TMC8: variants seen among roughly 807,000 people sequenced by gnomAD.
TMC8 encodes the protein transmembrane channel-like protein 8.
Under a neutral mutation model 76.0 loss-of-function variants are expected in TMC8, and 71 were observed. The ratio of observed to expected loss-of-function variants is 0.93; its 90% confidence interval spans 0.77 to 1.14. The LOEUF is 1.14. TMC8 is among the 50% of genes most tolerant of loss of function. TMC8 has a pLI of 0.00. For synonymous variants in TMC8, 433 were observed against 433.8 expected, an observed-to-expected ratio of 1.00 and a Z score of 0.02; for missense variants, 924 against 947.9, an observed-to-expected ratio of 0.97 and a Z score of 0.33.
chr17:78,131,527 C>T lies in TMC8; in HGVS notation c.-62C>T. On this transcript the variant is annotated 5_prime_UTR_variant, in exon 2 of 16. Coordinates refer to ENST00000318430, the MANE Select transcript of TMC8 (RefSeq NM_152468.5). The stretch of plus-strand genomic sequence containing the variant: ...GCCAAGGCCTTAAGGCTCATCCAAC[C>T]GGGGACTCATATCCCCCCCACCGGC... 6.5e-7 allele frequency: 1 copy of T among 1,531,330 alleles called. No homozygotes were observed. The allele number at this position is 1,531,330 out of a possible 1,614,324, so 94.9% of individuals were successfully genotyped here. A position where few individuals can be genotyped will look rare whatever the true frequency, so the allele number is the denominator to read the frequency against.
At position 78,131,367 on chromosome 17, in the gene TMC8, C is replaced by T; in HGVS notation, c.-222C>T. 1 of 635,676 alleles carries T rather than the reference C, an allele frequency of 1.6e-6. No individual in the cohort carries two copies. The highest frequency in any genetic ancestry group is 2.7e-6 in the Non-Finnish European group (1 of 368,304). The allele number at this position is 635,676 out of a possible 1,614,324, so 39.4% of individuals were successfully genotyped here. The stretch of plus-strand genomic sequence containing the variant: ...ATTCGACCGCAGCAGGATTCTCTCT[C>T]ATTTCTGAGCCCCGGAGGTGGCAGA... On this transcript the variant is annotated 5_prime_UTR_variant, in exon 2 of 16. Transcript: ENST00000318430.
Position 78,134,576 on chromosome 17 carries a change from C to T in TMC8, c.987+12C>T, listed in dbSNP as rs2075169223. 6.2e-7 allele frequency: 1 copy of T among 1,613,864 alleles called. No individual in the cohort carries two copies. The highest frequency in any genetic ancestry group is 1.3e-5 in the African/African-American group (1 of 74,914). ...AGGACAACAAGGAGGTGTCAGGCAACTGCATTCATTTAATCCTGGCCAGAA... is the reference window on the plus strand; with the variant it reads ...AGGACAACAAGGAGGTGTCAGGCAATTGCATTCATTTAATCCTGGCCAGAA... On this transcript the variant is annotated intron_variant, in intron 8 of 15. Transcript: ENST00000318430.
At chr17:78,135,890 C>A (rs2075214151) in intron 9 of TMC8, among the ~76,000 whole-genome samples, 2 of 152,086 alleles carry the variant, frequency 1.3e-5, no homozygotes, top group Admixed American at 6.5e-5. Context: ...CCTGTCTCTA[C>A]TAAAAACACA....
intron 9 of TMC8, chr17:78,136,872 G>A (rs1270413722): frequency 5.8e-6 from 2 of 346,466 alleles, no homozygotes; most frequent in African/African-American, 2.1e-5. Flanking sequence ...GACCAGCCTG[G>A]CCAACATGGC....
In TMC8 at chr17:78,138,204, T is replaced by TG; in HGVS notation, c.1533+22dup. The TG allele has an allele frequency of 6.2e-7, 1 of 1,613,550 alleles. No individual in the cohort carries two copies. ...CATCAAGAAGGTGACGGCTCATGGC[T>TG]GGGGGGTATGGGGTTCGTGCCTCTG... On this transcript the variant is annotated intron_variant, in intron 12 of 15. Coordinates refer to ENST00000318430, the MANE Select transcript of TMC8 (RefSeq NM_152468.5).
At chr17:78,139,066 C>T (rs757861158) in intron 14 of TMC8, 96 bp from the exon 15 acceptor site, 4 of 1,583,712 alleles carry the variant, frequency 2.5e-6, no homozygotes, top group Non-Finnish European at 3.4e-6. Context: ...ACCCCAGTAC[C>T]GCGTATTGTA....
At chr17:78,135,437 G>C (rs1329498468) in intron 9 of TMC8, among the ~76,000 whole-genome samples, 2 of 152,154 alleles carry the variant, frequency 1.3e-5, no homozygotes, top group African/African-American at 4.8e-5. Flanking sequence ...AGGTTCACAT[G>C]AGTGAAGCGC....
Position 78,138,142 on chromosome 17 carries a change from C to T in TMC8, c.1487C>T (p.Pro496Leu). The T allele has an allele frequency of 6.2e-7, 1 of 1,613,962 alleles. No homozygotes were observed. Among genetic ancestry groups the T allele is most frequent in the Non-Finnish European group, 8.5e-7 (1 of 1,179,982 alleles). The change falls in exon 12 of 16, where the codon CCC (proline) becomes CTC (leucine). Residue 496 changes from proline to leucine, a missense_variant. Pro to Leu is a moderately conservative substitution (Grantham distance 98). Transcript: ENST00000318430. ...GGCCTCTTCTACTGCCCCCTGCTGC[C>T]CCTGCTGAATAGCGTCTTCCTCTTC... ...WMGLFYCPLL[P>L]LLNSVFLFLT...
Position 78,141,025 on chromosome 17 carries a change from C to G in TMC8, c.2094C>G (p.Ala698=). The G allele has an allele frequency of 1.2e-6, 2 of 1,602,300 alleles. No individual in the cohort carries two copies. Among genetic ancestry groups the G allele is most frequent in the Non-Finnish European group, 8.5e-7 (1 of 1,175,952 alleles). ...APRPGPSVVD[A]AGLRSPCPGQ... Reference sequence around the variant, plus strand: ...GGCCGGGCCCCTCCGTCGTGGATGCCGCGGGACTGCGTTCCCCTTGCCCTG... The same window carrying G: ...GGCCGGGCCCCTCCGTCGTGGATGCGGCGGGACTGCGTTCCCCTTGCCCTG... The change falls in exon 16 of 16, where the codon GCC becomes GCG. Residue 698 remains alanine (A), a synonymous_variant. Transcript: ENST00000318430.
chr17:78,137,906 G>T, intron 11 of TMC8, 92 bp downstream of exon 11: 2 of 1,596,606 alleles, frequency 1.3e-6, no homozygotes, highest in Middle Eastern at 2.0e-4. Flanking sequence ...AGCGGGTCCA[G>T]TGTGGAGCCC....
At position 78,132,789 on chromosome 17, in the gene TMC8, C is replaced by T. The variant is rs371997832; in HGVS notation, c.450C>T (p.Thr150=). The T allele has an allele frequency of 1.9e-5, 31 of 1,614,224 alleles. No individual in the cohort carries two copies. The African/African-American group carries it at 3.7e-4, about 19-fold the overall frequency. Residue 150 remains threonine, a splice_region_variant and synonymous_variant, in exon 5 of 16, where the codon ACC becomes ACT. Coordinates refer to ENST00000318430, the MANE Select transcript of TMC8 (RefSeq NM_152468.5). The stretch of plus-strand genomic sequence containing the variant: ...ATTGACCCCCTTCCTCCTCAACAGC[C>T]CTCCAGTGCCCTGGTAGCCGCCAGT... ...PPDPGPTLNL[T]LQCPGSRQSP...
Position 78,133,802 on chromosome 17 carries a change from G to A in TMC8, c.669-51G>A, listed in dbSNP as rs1320999953. On this transcript the variant is annotated intron_variant, in intron 6 of 15. Coordinates refer to ENST00000318430, the MANE Select transcript of TMC8 (RefSeq NM_152468.5). ...CCAGAGCCGAGCCAAGGCTGAGGCT[G>A]GATGGTAGAGGTGCCCCTCCTCCAG... 6 of 1,611,346 alleles carry A rather than the reference G, an allele frequency of 3.7e-6. No individual in the cohort carries two copies. The Admixed American group carries it at 6.7e-5, about 18-fold the overall frequency.
Position 78,137,430 on chromosome 17 carries a change from G to C in TMC8, c.1251+72G>C, listed in dbSNP as rs1379012800. On this transcript the variant is annotated intron_variant, in intron 10 of 15. Coordinates refer to ENST00000318430, the MANE Select transcript of TMC8 (RefSeq NM_152468.5). ...AAAAGCTCACCTCAAACTGTGCAGA[G>C]CCCTGTTCCTGCCCCTTTAGTCACC... The C allele has an allele frequency of 9.9e-6, 16 of 1,609,360 alleles. No individual in the cohort carries two copies. The East Asian group carries it at 2.7e-4, about 27-fold the overall frequency.
intron 15 of TMC8, among the ~76,000 whole-genome samples, chr17:78,140,418 G>C (rs2075343512): frequency 6.6e-6 from 1 of 152,258 alleles, no homozygotes; most frequent in Non-Finnish European, 1.5e-5. Context: ...CGTGGCCTCA[G>C]GGTGGGGCCT....
In TMC8 at chr17:78,137,716, G is replaced by C; in HGVS notation, c.1252-1G>C. On this transcript the variant is annotated splice_acceptor_variant, in intron 10 of 15. Coordinates refer to ENST00000318430, the MANE Select transcript of TMC8 (RefSeq NM_152468.5). LOFTEE classifies it high-confidence loss of function. The stretch of plus-strand genomic sequence containing the variant: ...ACGGGTCCCCTTCCCCTGCACCCCA[G>C]TGCTGGGAGAACTCCGTGGGGGAGG... 1.9e-6 allele frequency: 3 copies of C among 1,613,392 alleles called. 1 individual carries two copies. Among genetic ancestry groups the C allele is most frequent in the Non-Finnish European group, 2.5e-6 (3 of 1,179,924 alleles).
At chr17:78,137,094 C>T in intron 9 of TMC8, 141 bp from the exon 10 acceptor site, 2 of 1,339,158 alleles carry the variant, frequency 1.5e-6, no homozygotes. Context: ...GACCACATTG[C>T]CACAGACAGA....
rs11656593 is a variant in TMC8 at position 78,137,991 on chromosome 17, T to A, written c.1350-14T>A. 1 of 1,613,624 alleles carries A rather than the reference T, an allele frequency of 6.2e-7. No homozygotes were observed. Among genetic ancestry groups the A allele is most frequent in the Non-Finnish European group, 8.5e-7 (1 of 1,180,002 alleles). On this transcript the variant is annotated splice_polypyrimidine_tract_variant and intron_variant, in intron 11 of 15. Transcript: ENST00000318430. ...TCTGGAGTGGTGAGTACCTGGACCC[T>A]CCCATCCCTGCAGGCTGCTGGTGGA...
At position 78,134,358 on chromosome 17, in the gene TMC8, G is replaced by A. The variant is rs79965458; in HGVS notation, c.817-36G>A. 2,093 of 1,602,802 alleles carry A rather than the reference G, an allele frequency of 1.3e-3. 13 individuals are homozygous for A. The African/African-American group carries it at 0.018, about 14-fold the overall frequency. On this transcript the variant is annotated intron_variant, in intron 7 of 15. Transcript: ENST00000318430. ...CACCCTTTCCTCCCATGCCCACCCCGCCTGCAGCTGCCTCTGTCCCCACCC... is the reference window on the plus strand; with the variant it reads ...CACCCTTTCCTCCCATGCCCACCCCACCTGCAGCTGCCTCTGTCCCCACCC...
chr17:78,138,384 G>A lies in TMC8; in HGVS notation c.1569G>A (p.Arg523=). Residue 523 remains arginine (R), a synonymous_variant, in exon 13 of 16, where the codon CGG becomes CGA. Coordinates refer to ENST00000318430, the MANE Select transcript of TMC8 (RefSeq NM_152468.5). ...TGAAGAACTCCAGGGCATCTTCGCGGCCCTTCCGTGCCTCCAGCTCCACCT... is the reference window on the plus strand; with the variant it reads ...TGAAGAACTCCAGGGCATCTTCGCGACCCTTCCGTGCCTCCAGCTCCACCT... The part of the protein sequence containing the change: ...TLLKNSRASS[R]PFRASSSTFF... The A allele has an allele frequency of 6.2e-7, 1 of 1,611,732 alleles. No homozygotes were observed.
Sources: allele counts gnomAD v4.1 joint callset (sites outside exome capture counted in the v4.1 genomes callset), GRCh38; gene constraint gnomAD v4.1.1; transcripts MANE v1.5; gene names NCBI Gene and HGNC (gene_info 2026-07-23, HGNC 2026-07-21).